Variants in TMEM255B observed in about 807,000 individuals in gnomAD.
TMEM255B encodes family with sequence similarity 70, member B.
A neutral mutation model predicts 34.5 loss-of-function variants in TMEM255B; 35 were observed. The ratio of observed to expected loss-of-function variants is 1.01; its 90% CI spans 0.77 to 1.34. TMEM255B has a LOEUF of 1.34. Ranked by LOEUF, TMEM255B falls within the 40% of genes most tolerant of loss-of-function variation. The pLI is 0.00. For missense variants in TMEM255B, 432 were observed against 433.2 expected, an observed-to-expected ratio of 1.00 and a Z score of 0.02; for synonymous variants, 206 against 201.2, an observed-to-expected ratio of 1.02 and a Z score of -0.20.
chr13:113,776,462 T>G (rs9577904), intron 3 of TMEM255B, among the ~76,000 whole-genome samples: 1 of 152,060 alleles, frequency 6.6e-6, no homozygotes, highest in Non-Finnish European at 1.5e-5. Flanking sequence ...TCCCGACAGC[T>G]ACGTCCAGCC....
rs1009711782 is a variant in TMEM255B, at chr13:113,769,903, G to A, written c.252+743G>A. 2 of 152,356 alleles carry A rather than the reference G, an allele frequency of 1.3e-5. No individual in the cohort carries two copies. The highest frequency in any genetic ancestry group is 4.8e-5 in the African/African-American group (2 of 41,424). 9.4% of individuals were successfully genotyped at this position (152,356 alleles called of 1,614,324 possible). On this transcript the variant is annotated intron_variant, in intron 3 of 8. Transcript: ENST00000375353. This position sits in a 1 kb window ranked among gnomAD's most constrained non-coding sequence, Gnocchi z 4.2. Reference sequence around the variant, plus strand: ...CCAGTTGTTGCTTCAGAGCAGGCTGGAGTTCTCAGCTCTTCCCTGCACCGG... The same window carrying A: ...CCAGTTGTTGCTTCAGAGCAGGCTGAAGTTCTCAGCTCTTCCCTGCACCGG...
At chr13:113,790,858 A>T (rs895604162) in intron 3 of TMEM255B, among the ~76,000 whole-genome samples, 2 of 152,184 alleles carry the variant, frequency 1.3e-5, no homozygotes, top group Non-Finnish European at 2.9e-5. Context: ...GGACACGTAG[A>T]CATCCTAGCA....
chr13:113,761,447 G>A, intron 1 of TMEM255B: 2 of 809,576 alleles, frequency 2.5e-6, no homozygotes, highest in Non-Finnish European at 3.0e-6. Context: ...GGGAGAAGTG[G>A]GGGCTGGTGG....
chr13:113,782,450 A>G lies in TMEM255B; in HGVS notation c.253-12698A>G, dbSNP rs115022728. Among the ~76,000 whole-genome samples the G allele has an allele frequency of 4.1e-3, 630 of 152,340 alleles. 3 individuals carry two copies. The highest frequency in any genetic ancestry group is 0.014 in the African/African-American group (572 of 41,572). ...TAATCACTTGCCTAGATCATTTATG[A>G]AAACTGTGGTAATCATTTAAAGTTA... On this transcript the variant is annotated intron_variant, in intron 3 of 8. Coordinates refer to ENST00000375353, the MANE Select transcript of TMEM255B (RefSeq NM_182614.4).
chr13:113,801,687 G>A lies in TMEM255B; in HGVS notation c.544G>A (p.Gly182Ser), dbSNP rs149213526. 2.6e-4 allele frequency: 424 copies of A among 1,612,078 alleles called. 1 individual carries two copies. The highest frequency in any genetic ancestry group is 3.4e-4 in the Non-Finnish European group (401 of 1,179,224). ...EPSPAYYEFI[G>S]VSGCQDVLHL... ...CTCGCCCGCCTACTATGAGTTCATC[G>A]GCGTCAGCGGCTGCCAGGACGTGCT... The change falls in exon 7 of 9, where the codon GGC becomes AGC. Residue 182 changes from glycine to serine, a missense_variant. Gly to Ser is a moderately conservative substitution (Grantham distance 56). Coordinates refer to ENST00000375353, the MANE Select transcript of TMEM255B (RefSeq NM_182614.4).
At chr13:113,775,352 C>T (rs1304126630) in intron 3 of TMEM255B, among the ~76,000 whole-genome samples, 1 of 152,260 alleles carries the variant, frequency 6.6e-6, no homozygotes, top group African/African-American at 2.4e-5. Flanking sequence ...CTGCTCAGGG[C>T]CTCGCTGTCG....
chr13:113,775,018 A>G, intron 3 of TMEM255B, among the ~76,000 whole-genome samples: 1 of 145,546 alleles, frequency 6.9e-6, no homozygotes, highest in Middle Eastern at 3.7e-3. Context: ...ACAATACACA[A>G]CACACACCAC....
chr13:113,786,760 G>A (rs924738103), intron 3 of TMEM255B, among the ~76,000 whole-genome samples: 21 of 152,334 alleles, frequency 1.4e-4, no homozygotes, highest in African/African-American at 4.6e-4. Context: ...TGGCATCCAC[G>A]TCAGAGAGCA....
At position 113,812,996 on chromosome 13, in the gene TMEM255B, C is replaced by CAGGTCCCAGGT. The variant is rs1566342393; in HGVS notation, c.*1093_*1094insAGGTCCCAGGT. 7.2e-6 allele frequency: 1 copy of CAGGTCCCAGGT among 139,310 alleles called. No homozygotes were observed. Among genetic ancestry groups the CAGGTCCCAGGT allele is most frequent in the Non-Finnish European group, 1.5e-5 (1 of 67,356 alleles). The allele number at this position is 139,310 out of a possible 1,614,324, so 8.6% of individuals were successfully genotyped here. A position where few individuals can be genotyped will look rare whatever the true frequency, so the allele number is the denominator to read the frequency against. On this transcript the variant is annotated 3_prime_UTR_variant, in exon 9 of 9. Transcript: ENST00000375353. ...TGGGTCACGGGTCCCGGGTGGGTCA[C>CAGGTCCCAGGT]GGGTCCCGAGTGGGTCACGGGTCCC...
intron 3 of TMEM255B, among the ~76,000 whole-genome samples, chr13:113,776,029 C>T (rs977756844): frequency 6.6e-6 from 1 of 152,296 alleles, no homozygotes; most frequent in Admixed American, 6.5e-5. Flanking sequence ...CCTCCTGGAC[C>T]GTGGTGGGAC....
intron 3 of TMEM255B, among the ~76,000 whole-genome samples, chr13:113,793,184 C>T (rs2050860081): frequency 6.6e-6 from 1 of 152,240 alleles, no homozygotes; most frequent in African/African-American, 2.4e-5. Flanking sequence ...TTGTGCTGCC[C>T]TTGGGTCTGG....
intron 3 of TMEM255B, among the ~76,000 whole-genome samples, chr13:113,784,112 C>G (rs924053578): frequency 6.6e-6 from 1 of 152,092 alleles, no homozygotes; most frequent in Non-Finnish European, 1.5e-5. Context: ...TGGCTTTAGG[C>G]TCCCCTGTAA....
intron 1 of TMEM255B, among the ~76,000 whole-genome samples, chr13:113,761,009 G>T (rs1005044768): frequency 2.6e-5 from 4 of 152,086 alleles, no homozygotes; most frequent in Non-Finnish European, 5.9e-5. Context: ...TGGGGTACCT[G>T]GGGGTAGGAT....
chr13:113,779,891 G>A (rs1446739820), intron 3 of TMEM255B, among the ~76,000 whole-genome samples: 1 of 152,140 alleles, frequency 6.6e-6, no homozygotes, highest in East Asian at 1.9e-4. Flanking sequence ...TCTCTCTCCA[G>A]TTTTCCATTT....
intron 7 of TMEM255B, 33 bp downstream of exon 7, chr13:113,801,845 C>A (rs2051071495): frequency 6.5e-7 from 1 of 1,544,664 alleles, no homozygotes; most frequent in Non-Finnish European, 8.7e-7. Flanking sequence ...CCGCTGCTCA[C>A]TGGGAGCCGG....
At chr13:113,775,779 C>T (rs2050566718) in intron 3 of TMEM255B, among the ~76,000 whole-genome samples, 1 of 152,246 alleles carries the variant, frequency 6.6e-6, no homozygotes, top group African/African-American at 2.4e-5. Context: ...ACCACCGAGG[C>T]CTCTTTCCCT....
intron 4 of TMEM255B, among the ~76,000 whole-genome samples, chr13:113,796,813 A>C (rs1480340488): frequency 6.6e-6 from 1 of 152,212 alleles, no homozygotes; most frequent in African/African-American, 2.4e-5. Context: ...CATAAATCAC[A>C]CTGAAAGGCA....
At chr13:113,796,953 G>A (rs1484149635) in intron 4 of TMEM255B, among the ~76,000 whole-genome samples, 13 of 151,900 alleles carry the variant, frequency 8.6e-5, no homozygotes, top group African/African-American at 2.9e-4. Context: ...GCTCACACTC[G>A]CGCGCACACA....
chr13:113,784,601 G>A (rs926753260), intron 3 of TMEM255B, among the ~76,000 whole-genome samples: 2 of 152,192 alleles, frequency 1.3e-5, no homozygotes, highest in Non-Finnish European at 2.9e-5. Context: ...AGAAGGGTTA[G>A]AGAGTGAAAT....
Sources: gnomAD v4.1 joint callset for allele counts (sites outside exome capture counted in the v4.1 genomes callset) on GRCh38, gnomAD v4.1.1 for gene constraint, Gnocchi (gnomAD v3.1) non-coding constraint, MANE v1.5 for transcripts, NCBI Gene and HGNC (gene_info 2026-07-23, HGNC 2026-07-21) for gene names.